DNAH7: variants seen among roughly 807,000 people sequenced by gnomAD.
DNAH7 encodes dynein axonemal heavy chain 7.
Under a neutral mutation model 444.6 loss-of-function variants are expected in DNAH7, and 397 were observed. The ratio of observed to expected loss-of-function variants is 0.89; its 90% CI spans 0.82 to 0.97. The LOEUF (loss-of-function observed/expected upper bound fraction) is 0.97, where lower values mean the gene tolerates loss of function less well. DNAH7 is among the 50% of genes least tolerant of loss of function. The pLI, the probability that DNAH7 is intolerant of heterozygous loss-of-function variation, is 0.00. For synonymous variants in DNAH7, 1,636 were observed against 1,624.4 expected (o/e 1.01, Z -0.17); for missense variants, 4,902 against 4,800.8 (o/e 1.02, Z -0.62).
chr2:195,916,821 C>T (rs181604029), intron 24 of DNAH7, among the ~76,000 whole-genome samples: 34 of 151,146 alleles, frequency 2.2e-4, no homozygotes, highest in African/African-American at 7.8e-4. Context: ...TTGCGTCAGC[C>T]GGGCGTGGTG....
intron 19 of DNAH7, among the ~76,000 whole-genome samples, chr2:195,941,085 C>T (rs550120018): frequency 2.6e-5 from 4 of 152,050 alleles, no homozygotes; most frequent in Admixed American, 6.6e-5. Flanking sequence ...ATGTTTATTG[C>T]GGTACTATTC....
At chr2:196,004,962 CAAAAAAAAA>C (rs60564090) in intron 10 of DNAH7, among the ~76,000 whole-genome samples, 2 of 63,652 alleles carry the variant, frequency 3.1e-5, no homozygotes, top group Admixed American at 1.9e-4. Context: ...GGCCTTGTGT[CAAAAAAAAA>C]AAAAAAAAAA....
Position 195,957,256 on chromosome 2 carries a change from C to T in DNAH7, c.3078+5G>A, listed in dbSNP as rs1223851366. 6.7e-7 allele frequency: 1 copy of T among 1,487,146 alleles called. No homozygotes were observed. Among genetic ancestry groups the T allele is most frequent in the Non-Finnish European group, 9.0e-7 (1 of 1,106,972 alleles). The allele number at this position is 1,487,146 out of a possible 1,614,324, so 92.1% of individuals were successfully genotyped here. Reference sequence around the variant, plus strand: ...AATGACATTTTTGGAGATTTTTTCACCTACCTGCATGACACTTCTCATTAT... The same window carrying T: ...AATGACATTTTTGGAGATTTTTTCATCTACCTGCATGACACTTCTCATTAT... On this transcript the variant is annotated splice_donor_5th_base_variant and intron_variant, in intron 19 of 64. Transcript: ENST00000312428.
At chr2:195,988,499 T>C (rs544446172) in intron 12 of DNAH7, among the ~76,000 whole-genome samples, 36 of 152,214 alleles carry the variant, frequency 2.4e-4, no homozygotes, top group Middle Eastern at 6.8e-3. Context: ...TGAAAATATA[T>C]ACAAAATAAT....
At chr2:195,939,224 A>C (rs956325473) in intron 19 of DNAH7, among the ~76,000 whole-genome samples, 1 of 152,110 alleles carries the variant, frequency 6.6e-6, no homozygotes, top group Non-Finnish European at 1.5e-5. Flanking sequence ...CAGGTGGGGA[A>C]GGATTGACTC....
intron 29 of DNAH7, 34 bp downstream of exon 29, chr2:195,897,633 A>G: frequency 1.7e-6 from 2 of 1,199,620 alleles, no homozygotes; most frequent in Non-Finnish European, 2.4e-6. Context: ...TTATTATAAG[A>G]GTTTTGATGC....
rs374020192 is a variant in DNAH7 at position 195,802,424 on chromosome 2, C to T, written c.10177-2952G>A. ...CTGAGGCACAAGAATCACTTGAACC[C>T]GGGAGGTGGAGGTTGCAATGAGTCG... On this transcript the variant is annotated intron_variant, in intron 54 of 64. Transcript: ENST00000312428. Among the ~76,000 whole-genome samples the T allele has an allele frequency of 7.8e-4, 118 of 152,186 alleles. 2 individuals are homozygous for T. The South Asian group carries it at 0.021, about 27-fold the overall frequency.
intron 24 of DNAH7, among the ~76,000 whole-genome samples, chr2:195,920,894 A>G (rs2125344632): frequency 6.6e-6 from 1 of 152,336 alleles, no homozygotes; most frequent in Middle Eastern, 3.4e-3. Flanking sequence ...TCCCACAAAA[A>G]GTGGGTTATG....
intron 23 of DNAH7, 75 bp downstream of exon 23, chr2:195,923,520 G>T: frequency 7.1e-7 from 1 of 1,405,688 alleles, no homozygotes; most frequent in Non-Finnish European, 1.0e-6. Context: ...TATTTCCCAT[G>T]TGAGCAAGCA....
chr2:195,873,227 C>G (rs1700823817), intron 39 of DNAH7, among the ~76,000 whole-genome samples: 1 of 152,222 alleles, frequency 6.6e-6, no homozygotes, highest in Non-Finnish European at 1.5e-5. Context: ...CATTACTTCT[C>G]AGACTTGGAC....
intron 24 of DNAH7, among the ~76,000 whole-genome samples, chr2:195,913,849 G>C (rs1390145489): frequency 6.6e-6 from 1 of 152,162 alleles, no homozygotes; most frequent in East Asian, 1.9e-4. Context: ...CCAAGTAGCT[G>C]GGATTACAGG....
rs763199735 is a variant in DNAH7 at position 195,970,105 on chromosome 2, C to T, written c.2059-11G>A. ...CCGTTCACACCGTAACTAATAAAAA[C>T]AATTTGTTGTTAATATTCTTAAAAG... On this transcript the variant is annotated splice_polypyrimidine_tract_variant and intron_variant, in intron 16 of 64. Transcript: ENST00000312428. 3 of 1,584,150 alleles carry T rather than the reference C, an allele frequency of 1.9e-6. No individual in the cohort carries two copies. The highest frequency in any genetic ancestry group is 2.6e-6 in the Non-Finnish European group (3 of 1,169,200).
chr2:195,788,782 T>C (rs958552803), intron 57 of DNAH7, among the ~76,000 whole-genome samples: 3 of 152,164 alleles, frequency 2.0e-5, no homozygotes, highest in South Asian at 2.1e-4. Context: ...GTGACTGAAA[T>C]TGGAGGTATT....
chr2:195,979,400 G>C (rs1055452964), intron 15 of DNAH7, among the ~76,000 whole-genome samples: 1 of 152,000 alleles, frequency 6.6e-6, no homozygotes, highest in Admixed American at 6.6e-5. Flanking sequence ...AATTAAGAAG[G>C]AAATTGAAAA....
intron 47 of DNAH7, among the ~76,000 whole-genome samples, chr2:195,842,179 A>G (rs1033421146): frequency 1.3e-5 from 2 of 152,038 alleles, no homozygotes; most frequent in African/African-American, 4.8e-5. Flanking sequence ...AAATAATCCT[A>G]ATCCTTTACC....
chr2:196,015,667 G>C (rs1377606186), intron 9 of DNAH7, among the ~76,000 whole-genome samples: 1 of 152,090 alleles, frequency 6.6e-6, no homozygotes, highest in Non-Finnish European at 1.5e-5. Flanking sequence ...ATCTTATCAG[G>C]TTTCCAAACT....
chr2:196,067,958 C>T (rs1311530239), intron 1 of DNAH7, among the ~76,000 whole-genome samples: 1 of 151,960 alleles, frequency 6.6e-6, no homozygotes. Context: ...GATATTAAGA[C>T]GACTGACCAT....
In DNAH7 at chr2:195,775,768, C is replaced by A. The variant is rs1184152139; in HGVS notation, c.11202+78G>T. On this transcript the variant is annotated intron_variant, in intron 60 of 64. Transcript: ENST00000312428. ...ACTTGAACAGAATTGTGTAAGGAAG[C>A]CTGTTCAGTGCTGGCACACGTGCCT... The A allele has an allele frequency of 6.9e-6, 10 of 1,457,188 alleles. No homozygotes were observed. In the South Asian group the frequency reaches 1.3e-4, roughly 19 times the overall value. The allele number at this position is 1,457,188 out of a possible 1,614,324, so 90.3% of individuals were successfully genotyped here. A position where few individuals can be genotyped will look rare whatever the true frequency, so the allele number is the denominator to read the frequency against.
At chr2:196,026,215 A>T (rs558264467) in intron 7 of DNAH7, among the ~76,000 whole-genome samples, 15 of 152,176 alleles carry the variant, frequency 9.9e-5, no homozygotes, top group African/African-American at 3.6e-4. Flanking sequence ...GTTCCAATAA[A>T]ACTTTATGAA....
Sources: gnomAD v4.1 joint callset for allele counts (sites outside exome capture counted in the v4.1 genomes callset) on GRCh38, gnomAD v4.1.1 for gene constraint, MANE v1.5 for transcripts, NCBI Gene and HGNC (gene_info 2026-07-23, HGNC 2026-07-21) for gene names.